Variants in SYN2 observed in about 807,000 individuals in gnomAD.
The protein encoded by SYN2 is synapsin-2.
A neutral mutation model predicts 50.9 loss-of-function variants in SYN2; 19 were observed. The ratio of observed to expected loss-of-function variants is 0.37; its 90% confidence interval spans 0.26 to 0.55. The LOEUF (loss-of-function observed/expected upper bound fraction) is 0.55, where lower values mean the gene tolerates loss of function less well. Among genes scored for constraint, SYN2 ranks in the 20% least tolerant of loss-of-function variants. The pLI is 0.81. For synonymous variants in SYN2, 255 were observed against 224.9 expected (o/e 1.13, Z -1.20); for missense variants, 587 against 576.4 (o/e 1.02, Z -0.19).
intron 1 of SYN2, among the ~76,000 whole-genome samples, chr3:12,043,037 T>C (rs1694654973): frequency 6.6e-6 from 1 of 151,830 alleles, no homozygotes; most frequent in Admixed American, 6.6e-5. Flanking sequence ...TTTTTTTTTT[T>C]TGTGAGACAG....
At chr3:12,018,303 G>A in intron 1 of SYN2, among the ~76,000 whole-genome samples, 1 of 152,126 alleles carries the variant, frequency 6.6e-6, no homozygotes. Flanking sequence ...AACAGTAATG[G>A]GAAAGAAGTG....
intron 1 of SYN2, among the ~76,000 whole-genome samples, chr3:12,009,033 T>G (rs530160467): frequency 2.0e-5 from 3 of 151,980 alleles, no homozygotes; most frequent in Non-Finnish European, 4.4e-5. Context: ...TGAGTGGCTC[T>G]AAAAAATACT....
At chr3:12,023,532 A>T (rs1656471195) in intron 1 of SYN2, among the ~76,000 whole-genome samples, 1 of 152,248 alleles carries the variant, frequency 6.6e-6, no homozygotes, top group Admixed American at 6.5e-5. Context: ...GACCATGTTC[A>T]GAGTCAGTAT....
intron 2 of SYN2, 97 bp from the exon 3 acceptor site, chr3:12,141,808 G>C (rs771503655): frequency 6.4e-5 from 46 of 723,120 alleles, no homozygotes; most frequent in Non-Finnish European, 1.1e-4. Flanking sequence ...TTTGAAAACT[G>C]TATATAAATG....
At chr3:12,166,549 G>A (rs11920045) in intron 7 of SYN2, among the ~76,000 whole-genome samples, 12,216 of 152,206 alleles carry the variant, frequency 0.08, 869 homozygotes, top group East Asian at 0.19. Flanking sequence ...GGAGGGTGCC[G>A]TGGGCACAGC....
intron 1 of SYN2, among the ~76,000 whole-genome samples, chr3:12,072,462 C>T (rs746997371): frequency 1.3e-5 from 2 of 152,172 alleles, no homozygotes; most frequent in Non-Finnish European, 2.9e-5. Flanking sequence ...TTAGCTCTTA[C>T]ATTTAAGCCC....
intron 1 of SYN2, among the ~76,000 whole-genome samples, chr3:12,131,736 A>G (rs1225906967): frequency 6.6e-6 from 1 of 152,184 alleles, no homozygotes; most frequent in African/African-American, 2.4e-5. Flanking sequence ...ATCTTCAGAA[A>G]ATCTATTCAG....
chr3:12,036,453 A>G (rs539254515), intron 1 of SYN2, among the ~76,000 whole-genome samples: 5 of 152,294 alleles, frequency 3.3e-5, no homozygotes, highest in South Asian at 2.1e-4. Context: ...TTTATGCCCT[A>G]TGGAGCTACA....
At chr3:12,153,780 A>T in intron 5 of SYN2, 2 of 1,545,046 alleles carry the variant, frequency 1.3e-6, no homozygotes, top group Non-Finnish European at 1.8e-6. Context: ...TGCCTTTCAG[A>T]TTCCTACGTA....
chr3:12,043,243 C>G (rs982464213), intron 1 of SYN2, among the ~76,000 whole-genome samples: 2 of 152,040 alleles, frequency 1.3e-5, no homozygotes, highest in Non-Finnish European at 2.9e-5. Flanking sequence ...AGGCTGGTCT[C>G]GAGCGCCTGA....
At chr3:12,145,917 G>A (rs1168177021) in intron 4 of SYN2, 82 bp downstream of exon 4, 13 of 1,574,836 alleles carry the variant, frequency 8.3e-6, no homozygotes, top group Non-Finnish European at 1.1e-5. Flanking sequence ...GACTCAAGAT[G>A]CAGTAGGCCC....
chr3:12,129,208 A>G (rs889478579), intron 1 of SYN2, among the ~76,000 whole-genome samples: 3 of 152,320 alleles, frequency 2.0e-5, no homozygotes, highest in African/African-American at 7.2e-5. Flanking sequence ...CAGTAGAAAC[A>G]TAGGAGGGAA....
chr3:12,124,904 T>C (rs753123844), intron 1 of SYN2, among the ~76,000 whole-genome samples: 1 of 152,206 alleles, frequency 6.6e-6, no homozygotes, highest in African/African-American at 2.4e-5. Flanking sequence ...TATATTAATA[T>C]AGAAAAATAT....
At chr3:12,164,147 T>C (rs1697724674) in intron 7 of SYN2, among the ~76,000 whole-genome samples, 1 of 152,024 alleles carries the variant, frequency 6.6e-6, no homozygotes, top group African/African-American at 2.4e-5. Context: ...AGCAAAAAAA[T>C]ATATACCTTC....
chr3:12,034,606 A>C (rs1694454670), intron 1 of SYN2, among the ~76,000 whole-genome samples: 1 of 152,184 alleles, frequency 6.6e-6, no homozygotes, highest in African/African-American at 2.4e-5. Context: ...ACATGGGGGA[A>C]GGCATGACAT....
At position 12,170,007 on chromosome 3, in the gene SYN2, C is replaced by T. The variant is rs537279203; in HGVS notation, c.1308+101C>T. ...GAATGGAGTACAGGCCAGATGCCCACAGGCCTAAATGGGATCTAAGGAGAC... is the reference window on the plus strand; with the variant it reads ...GAATGGAGTACAGGCCAGATGCCCATAGGCCTAAATGGGATCTAAGGAGAC... On this transcript the variant is annotated intron_variant, in intron 10 of 12. Coordinates refer to ENST00000621198, the MANE Select transcript of SYN2 (RefSeq NM_133625.6). 85 of 1,407,260 alleles carry T rather than the reference C, an allele frequency of 6.0e-5. No individual in the cohort carries two copies. In the African/African-American group the frequency reaches 9.9e-4, roughly 16 times the overall value. 87.2% of individuals were successfully genotyped at this position (1,407,260 alleles called of 1,614,324 possible).
chr3:12,078,879 A>G (rs1217424699), intron 1 of SYN2, among the ~76,000 whole-genome samples: 1 of 152,174 alleles, frequency 6.6e-6, no homozygotes, highest in Non-Finnish European at 1.5e-5. Context: ...CATTGAATCT[A>G]TAAATTACTT....
At chr3:12,017,336 G>C (rs954316537) in intron 1 of SYN2, among the ~76,000 whole-genome samples, 2 of 152,200 alleles carry the variant, frequency 1.3e-5, no homozygotes, top group African/African-American at 4.8e-5. Context: ...AGGATATCAA[G>C]TAGATTACTA....
At chr3:12,056,707 TC>T (rs1401463937) in intron 1 of SYN2, among the ~76,000 whole-genome samples, 3 of 152,106 alleles carry the variant, frequency 2.0e-5, no homozygotes, top group Non-Finnish European at 2.9e-5. Flanking sequence ...GGGCAGGAGT[TC>T]AAGCCCAAAT....
Sources: allele counts gnomAD v4.1 joint callset (sites outside exome capture counted in the v4.1 genomes callset), GRCh38; gene constraint gnomAD v4.1.1; transcripts MANE v1.5; gene names NCBI Gene and HGNC (gene_info 2026-07-23, HGNC 2026-07-21).